Variants in STAG1 observed in about 807,000 individuals in gnomAD.
STAG1 encodes the protein STAG1 cohesin complex component.
STAG1 carries 26 observed loss-of-function variants against 170.9 expected under a neutral mutation model. The observed-to-expected ratio is 0.15, with a 90% CI of 0.11 to 0.21. The LOEUF (loss-of-function observed/expected upper bound fraction) is 0.21, where lower values mean the gene tolerates loss of function less well. Among genes scored for constraint, STAG1 ranks in the 10% least tolerant of loss-of-function variants. STAG1 has a pLI of 1.00. For synonymous variants in STAG1, 514 were observed against 497.7 expected (o/e 1.03, Z -0.44); for missense variants, 964 against 1,509.5 (o/e 0.64, Z 5.99).
chr3:136,445,803 C>T (rs1232614470), intron 14 of STAG1, among the ~76,000 whole-genome samples: 1 of 151,944 alleles, frequency 6.6e-6, no homozygotes, highest in African/African-American at 2.4e-5. Context: ...CTGATATTGC[C>T]CCCTCTGCTA....
chr3:136,736,802 T>C lies in STAG1; in HGVS notation c.-84+15393A>G, dbSNP rs929556628. ...TTTGAACAGCTCAGGATCATCCTCC[T>C]CTACAATTGTAGGTTTTCCTTCCTT... On this transcript the variant is annotated intron_variant, in intron 1 of 33. Transcript: ENST00000383202. The C allele has an allele frequency of 6.3e-6, 10 of 1,587,898 alleles. No homozygotes were observed. In the African/African-American group the frequency reaches 1.3e-4, roughly 21 times the overall value.
At chr3:136,711,751 TTTTG>T (rs1158635874) in intron 1 of STAG1, among the ~76,000 whole-genome samples, 3 of 152,146 alleles carry the variant, frequency 2.0e-5, no homozygotes, top group East Asian at 1.9e-4. Flanking sequence ...GCAAAAGTTT[TTTTG>T]TTTGTTTATT....
intron 6 of STAG1, 72 bp from the exon 7 acceptor site, chr3:136,521,489 T>C: frequency 7.3e-7 from 1 of 1,372,800 alleles, no homozygotes; most frequent in Non-Finnish European, 1.0e-6. Context: ...TTTTTCTTCC[T>C]ACCTACATAG....
At chr3:136,460,416 A>G (rs905990941) in intron 13 of STAG1, among the ~76,000 whole-genome samples, 6 of 152,184 alleles carry the variant, frequency 3.9e-5, no homozygotes, top group Non-Finnish European at 7.3e-5. Flanking sequence ...AGCCTGGCCA[A>G]GATGGTGAAA....
intron 19 of STAG1, among the ~76,000 whole-genome samples, chr3:136,422,021 C>T (rs1197098750): frequency 6.6e-6 from 1 of 151,906 alleles, no homozygotes; most frequent in African/African-American, 2.4e-5. Flanking sequence ...GTGACAGGTG[C>T]CTGTAATCCC....
At chr3:136,747,093 TAAAAAAAAAAAAAA>T (rs71134408) in intron 1 of STAG1, among the ~76,000 whole-genome samples, 56 of 59,324 alleles carry the variant, frequency 9.4e-4, no homozygotes, top group African/African-American at 2.2e-3. Flanking sequence ...TGAAACTGTC[TAAAAAAAAAAAAAA>T]AAAAAAAAAA....
intron 23 of STAG1, 29 bp from the exon 24 acceptor site, chr3:136,369,311 A>T: frequency 6.5e-7 from 1 of 1,529,308 alleles, no homozygotes; most frequent in African/African-American, 1.4e-5. Flanking sequence ...TTATCAGCAA[A>T]ATATTACACA....
chr3:136,680,417 T>C (rs1942294226), intron 1 of STAG1, among the ~76,000 whole-genome samples: 1 of 152,082 alleles, frequency 6.6e-6, no homozygotes, highest in Non-Finnish European at 1.5e-5. Flanking sequence ...AAAATACACA[T>C]AACTAAAAGA....
chr3:136,465,222 C>CA (rs1553726173), intron 12 of STAG1, among the ~76,000 whole-genome samples: 3 of 136,214 alleles, frequency 2.2e-5, no homozygotes, highest in South Asian at 4.8e-4. Flanking sequence ...TCTTCTACAG[C>CA]TTTTTTTTTT....
chr3:136,581,625 C>T (rs896512043), intron 4 of STAG1, among the ~76,000 whole-genome samples: 7 of 152,006 alleles, frequency 4.6e-5, no homozygotes, highest in Non-Finnish European at 8.8e-5. Context: ...TTATACAAAA[C>T]CTTAAAAATA....
intron 28 of STAG1, among the ~76,000 whole-genome samples, chr3:136,356,873 C>T (rs1936675393): frequency 6.6e-6 from 1 of 152,126 alleles, no homozygotes; most frequent in South Asian, 2.1e-4. Context: ...GTGCATCAGC[C>T]TCCTGAGCAG....
chr3:136,377,562 C>A, intron 23 of STAG1, 98 bp downstream of exon 23: 1 of 871,682 alleles, frequency 1.1e-6, no homozygotes. Context: ...TAGGAATGAA[C>A]ATGTGTACAA....
At chr3:136,648,456 C>T (rs1941105788) in intron 1 of STAG1, among the ~76,000 whole-genome samples, 1 of 152,202 alleles carries the variant, frequency 6.6e-6, no homozygotes. Flanking sequence ...CCTAATTTTA[C>T]TACTGCTTCC....
At chr3:136,659,760 G>T (rs546338505) in intron 1 of STAG1, among the ~76,000 whole-genome samples, 3 of 152,290 alleles carry the variant, frequency 2.0e-5, no homozygotes, top group South Asian at 2.1e-4. Flanking sequence ...TAAAGGAGAA[G>T]AATAATCAGG....
intron 1 of STAG1, among the ~76,000 whole-genome samples, chr3:136,674,582 CA>C (rs886090143): frequency 4.6e-5 from 7 of 152,028 alleles, no homozygotes; most frequent in Admixed American, 4.6e-4. Context: ...GTGGTAGTTA[CA>C]AAAATCTATA....
At chr3:136,419,548 G>C (rs774821761) in intron 20 of STAG1, among the ~76,000 whole-genome samples, 1 of 151,382 alleles carries the variant, frequency 6.6e-6, no homozygotes. Flanking sequence ...GGGTTCAAGC[G>C]ATTCTCGTGC....
At chr3:136,396,209 G>GTA (rs2087147079) in intron 22 of STAG1, among the ~76,000 whole-genome samples, 2 of 87,952 alleles carry the variant, frequency 2.3e-5, no homozygotes, top group Admixed American at 3.2e-4. Flanking sequence ...GTGTAACACA[G>GTA]TTTTTTTTTT....
rs188524757 is a variant in STAG1, at chr3:136,560,645, T to C, written c.394+8120A>G. ...AGTTAGCCAATTCTGAGGTTTCCAATGGTAAACAGAATTCACTCCAGCTGG... is the reference window on the plus strand; with the variant it reads ...AGTTAGCCAATTCTGAGGTTTCCAACGGTAAACAGAATTCACTCCAGCTGG... On this transcript the variant is annotated intron_variant, in intron 5 of 33. Transcript: ENST00000383202. Among the ~76,000 whole-genome samples the C allele has an allele frequency of 4.4e-3, 670 of 152,314 alleles. 10 individuals are homozygous for C. The highest frequency in any genetic ancestry group is 3.3e-3 in the Non-Finnish European group (223 of 68,034).
intron 18 of STAG1, 74 bp from the exon 19 acceptor site, chr3:136,422,687 T>C (rs2087993076): frequency 3.3e-6 from 5 of 1,536,360 alleles, no homozygotes; most frequent in Non-Finnish European, 4.4e-6. Context: ...ATCTGTCAAA[T>C]AACAAGTCTA....
Sources: gnomAD v4.1 joint callset for allele counts (sites outside exome capture counted in the v4.1 genomes callset) on GRCh38, gnomAD v4.1.1 for gene constraint, MANE v1.5 for transcripts, NCBI Gene and HGNC (gene_info 2026-07-23, HGNC 2026-07-21) for gene names.